Variants in RPH3A observed in about 807,000 individuals in gnomAD.
The protein encoded by RPH3A is rabphilin-3A.
Under a neutral mutation model 102.2 loss-of-function variants are expected in RPH3A, and 48 were observed. That is an observed-to-expected ratio of 0.47 (90% CI 0.37 to 0.60). RPH3A has a LOEUF of 0.60. Among genes scored for constraint, RPH3A ranks in the 20% least tolerant of loss-of-function variants. The probability of loss-of-function intolerance (pLI) is 0.00; values close to 1 mark genes in which losing one functional copy is unlikely to be tolerated. For missense variants in RPH3A, 781 were observed against 910.1 expected (o/e 0.86, Z 1.83); for synonymous variants, 310 against 324.3 (o/e 0.96, Z 0.47).
chr12:112,851,331 G>A (rs1362851492), intron 5 of RPH3A, among the ~76,000 whole-genome samples: 1 of 152,116 alleles, frequency 6.6e-6, no homozygotes, highest in African/African-American at 2.4e-5. Flanking sequence ...TGTCTGAGAT[G>A]TTTTTCCTGA....
intron 1 of RPH3A, among the ~76,000 whole-genome samples, chr12:112,688,305 A>G (rs1592944253): frequency 6.6e-6 from 1 of 152,204 alleles, no homozygotes; most frequent in East Asian, 1.9e-4. Context: ...AAAGGCAGGT[A>G]TGCATTCTTT....
chr12:112,633,900 T>G (rs1381171616), intron 1 of RPH3A, among the ~76,000 whole-genome samples: 1 of 152,218 alleles, frequency 6.6e-6, no homozygotes, highest in East Asian at 1.9e-4. Context: ...CTTCCCCTGC[T>G]AGACTTGCAG....
rs771730916 is a variant in RPH3A, at chr12:112,890,096, G to A, written c.1620+16G>A. The stretch of plus-strand genomic sequence containing the variant: ...TGAGGAAGAGGTGAGCACTGAGCAG[G>A]AATTGAAGCCACAGTCAGGGTCTGT... On this transcript the variant is annotated intron_variant, in intron 18 of 21. Transcript: ENST00000389385. 1 of 1,611,974 alleles carries A rather than the reference G, an allele frequency of 6.2e-7. No homozygotes were observed. The highest frequency in any genetic ancestry group is 8.5e-7 in the Non-Finnish European group (1 of 1,179,114).
At chr12:112,881,300 A>C (rs886479) in intron 14 of RPH3A, among the ~76,000 whole-genome samples, 76,416 of 151,992 alleles carry the variant, frequency 0.5, 20,454 homozygotes, top group African/African-American at 0.67. Flanking sequence ...CTGAAGTCTT[A>C]GAAGAGAATG....
Position 112,589,223 on chromosome 12 carries a change from C to G in RPH3A, c.-140+13904C>G, listed in dbSNP as rs536963864. Among the ~76,000 whole-genome samples the G allele has an allele frequency of 2.5e-4, 38 of 152,236 alleles. 1 individual carries two copies. The South Asian group carries it at 7.5e-3, about 30-fold the overall frequency. ...CAAAACTCCTGCCCAGGCCTCACTA[C>G]TCACTGGCCCACCTTATTCCTGCCT... On this transcript the variant is annotated intron_variant, in intron 1 of 21. Transcript: ENST00000543106.
intron 1 of RPH3A, among the ~76,000 whole-genome samples, chr12:112,692,759 C>T (rs1302220992): frequency 6.6e-6 from 1 of 152,202 alleles, no homozygotes; most frequent in African/African-American, 2.4e-5. Context: ...TAGCTACATC[C>T]TCTTTGCCAC....
chr12:112,856,510 G>A (rs1005220221), intron 5 of RPH3A, among the ~76,000 whole-genome samples: 1 of 145,414 alleles, frequency 6.9e-6, no homozygotes, highest in African/African-American at 2.5e-5. Context: ...GTGTGTGTGT[G>A]TGTATTCATA....
At chr12:112,877,000 C>T in intron 13 of RPH3A, 134 bp downstream of exon 13, 1 of 531,662 alleles carries the variant, frequency 1.9e-6, no homozygotes, top group South Asian at 3.9e-5. Flanking sequence ...AACATATTAA[C>T]CAAGTGATAG....
intron 1 of RPH3A, among the ~76,000 whole-genome samples, chr12:112,631,755 C>T (rs1398055690): frequency 6.6e-6 from 1 of 151,940 alleles, no homozygotes; most frequent in Non-Finnish European, 1.5e-5. Context: ...AACTTCTGAG[C>T]TCAAGCAATC....
At chr12:112,606,142 G>A (rs233715) in intron 1 of RPH3A, among the ~76,000 whole-genome samples, 3 of 151,882 alleles carry the variant, frequency 2.0e-5, no homozygotes, top group African/African-American at 7.3e-5. Flanking sequence ...TATGTACTGT[G>A]CTACATGAGC....
chr12:112,720,134 T>C (rs2040541077), intron 1 of RPH3A, among the ~76,000 whole-genome samples: 1 of 152,244 alleles, frequency 6.6e-6, no homozygotes, highest in Non-Finnish European at 1.5e-5. Context: ...TTGACAACTG[T>C]CTCCTCCCCA....
At position 112,869,525 on chromosome 12, in the gene RPH3A, G is replaced by A. The variant is rs2042668849; in HGVS notation, c.611-234G>A. 2.0e-5 allele frequency: 11 copies of A among 537,364 alleles called. No homozygotes were observed. In the South Asian group the frequency reaches 2.3e-4, roughly 11 times the overall value. The allele number at this position is 537,364 out of a possible 1,614,324, so 33.3% of individuals were successfully genotyped here. A position where few individuals can be genotyped will look rare whatever the true frequency, so the allele number is the denominator to read the frequency against. On this transcript the variant is annotated intron_variant, in intron 8 of 21. Coordinates refer to ENST00000389385, the MANE Select transcript of RPH3A (RefSeq NM_001143854.2). The stretch of plus-strand genomic sequence containing the variant: ...TCTTCTAGGCTGAGAAGGCTGTATA[G>A]CATAATTGTTCTTTATAAAGCCTGT...
chr12:112,622,085 A>G (rs1348289181), intron 1 of RPH3A, among the ~76,000 whole-genome samples: 1 of 149,072 alleles, frequency 6.7e-6, no homozygotes, highest in African/African-American at 2.5e-5. Context: ...GACGAAAAGT[A>G]GATAAAACCA....
At chr12:112,782,848 T>C (rs2041018714) in intron 1 of RPH3A, among the ~76,000 whole-genome samples, 1 of 152,224 alleles carries the variant, frequency 6.6e-6, no homozygotes, top group Non-Finnish European at 1.5e-5. Context: ...AATTTGTCAT[T>C]GTTGTAAGTG....
At chr12:112,630,589 C>T (rs1261674386) in intron 1 of RPH3A, among the ~76,000 whole-genome samples, 2 of 152,192 alleles carry the variant, frequency 1.3e-5, no homozygotes, top group Non-Finnish European at 2.9e-5. Context: ...AAGTGGGTTC[C>T]ATCTGGCTAA....
At chr12:112,836,447 C>T in intron 3 of RPH3A, 44 bp from the exon 4 acceptor site, 1 of 1,246,354 alleles carries the variant, frequency 8.0e-7, no homozygotes, top group Non-Finnish European at 1.1e-6. Flanking sequence ...TCTTACCTAA[C>T]TTTATTCATT....
chr12:112,738,843 A>T (rs1592973008), intron 1 of RPH3A, among the ~76,000 whole-genome samples: 1 of 152,206 alleles, frequency 6.6e-6, no homozygotes, highest in African/African-American at 2.4e-5. Context: ...CCAAAGGCTC[A>T]TCATAACAGA....
At chr12:112,619,490 C>T (rs535709227) in intron 1 of RPH3A, among the ~76,000 whole-genome samples, 1 of 152,222 alleles carries the variant, frequency 6.6e-6, no homozygotes, top group Non-Finnish European at 1.5e-5. Flanking sequence ...ACCGTGTTGG[C>T]CAGGCTGGTC....
At chr12:112,886,934 G>A (rs60648747) in intron 16 of RPH3A, among the ~76,000 whole-genome samples, 69,137 of 151,578 alleles carry the variant, frequency 0.46, 16,268 homozygotes, top group East Asian at 0.59. Context: ...TAATCATCAG[G>A]GAAATGTAAA....
Sources: allele counts gnomAD v4.1 joint callset (sites outside exome capture counted in the v4.1 genomes callset), GRCh38; gene constraint gnomAD v4.1.1; transcripts MANE v1.5; gene names NCBI Gene and HGNC (gene_info 2026-07-23, HGNC 2026-07-21).